EFCAB7: variants seen among roughly 807,000 people sequenced by gnomAD.
The protein encoded by EFCAB7 is EF-hand calcium-binding domain-containing protein 7.
Under a neutral mutation model 77.1 loss-of-function variants are expected in EFCAB7, and 66 were observed. The ratio of observed to expected loss-of-function variants is 0.86; its 90% CI spans 0.70 to 1.05. The LOEUF (loss-of-function observed/expected upper bound fraction) is 1.05. Ranked by LOEUF, EFCAB7 falls within the 50% of genes least tolerant of loss-of-function variation. The pLI is 0.00. For missense variants in EFCAB7, 638 were observed against 730.5 expected (o/e 0.87, Z 1.46); for synonymous variants, 225 against 243.3 (o/e 0.92, Z 0.70).
chr1:63,533,076 C>G (rs999660225), intron 4 of EFCAB7, among the ~76,000 whole-genome samples: 1 of 152,074 alleles, frequency 6.6e-6, no homozygotes, highest in Non-Finnish European at 1.5e-5. Flanking sequence ...CATGTGTGCT[C>G]ACACACACGG....
chr1:63,527,258 A>T (rs907114529), intron 2 of EFCAB7, among the ~76,000 whole-genome samples: 1 of 152,332 alleles, frequency 6.6e-6, no homozygotes, highest in East Asian at 1.9e-4. Flanking sequence ...TTATGAAATT[A>T]TCTGGGAGGA....
chr1:63,555,236 G>A (rs1647016774), intron 8 of EFCAB7, 122 bp from the exon 9 acceptor site: 1 of 1,152,096 alleles, frequency 8.7e-7, no homozygotes. Flanking sequence ...AATAGAATTT[G>A]TAAATATTGA....
chr1:63,565,892 C>G (rs1290173725), intron 11 of EFCAB7, among the ~76,000 whole-genome samples: 1 of 152,176 alleles, frequency 6.6e-6, no homozygotes, highest in Admixed American at 6.5e-5. Context: ...AATGCTTATA[C>G]ACTGTTGGTG....
At chr1:63,572,390 A>G in intron 13 of EFCAB7, 52 bp from the exon 14 acceptor site, 1 of 1,486,636 alleles carries the variant, frequency 6.7e-7, no homozygotes, top group Non-Finnish European at 9.1e-7. Context: ...AAAATTAGCC[A>G]AAAGTAACAA....
At chr1:63,583,306 C>T in the EFCAB7 span, among the ~76,000 whole-genome samples, 2 of 152,166 alleles carry the variant, frequency 1.3e-5, no homozygotes, top group Admixed American at 1.3e-4. Flanking sequence ...CCCTACCCTC[C>T]GCAGCCTTGA....
intron 4 of EFCAB7, 121 bp downstream of exon 4, chr1:63,532,877 A>G (rs1646716019): frequency 2.8e-6 from 2 of 702,446 alleles, no homozygotes; most frequent in South Asian, 4.0e-5. Context: ...TGATATATGT[A>G]TACATTGTGA....
At chr1:63,584,439 C>T in the EFCAB7 span, among the ~76,000 whole-genome samples, 1 of 152,128 alleles carries the variant, frequency 6.6e-6, no homozygotes, top group South Asian at 2.1e-4. Flanking sequence ...GTAGTCCCGG[C>T]TACTCATGAG....
In EFCAB7 at chr1:63,555,501, T is replaced by C. The variant is rs1647020649; in HGVS notation, c.1200T>C (p.Leu400=). ...VYRDETGELF[L]TKEFKSTLSD... is the part of the protein sequence containing the mutation. ...GAGATGAAACAGGGGAATTATTCCT[T>C]ACAAAGGAATTTAAGTAAGTTTTGT... is the stretch of plus-strand genomic sequence containing the variant. Residue 400 remains leucine (L), a synonymous_variant, in exon 9 of 14, where the codon CTT becomes CTC. Coordinates refer to ENST00000371088, the MANE Select transcript of EFCAB7 (RefSeq NM_032437.4). The C allele has an allele frequency of 1.2e-6, 2 of 1,611,698 alleles. No homozygotes were observed. The highest frequency in any genetic ancestry group is 1.3e-5 in the African/African-American group (1 of 74,760).
chr1:63,559,627 A>G (rs959097478), intron 10 of EFCAB7, among the ~76,000 whole-genome samples: 1 of 151,870 alleles, frequency 6.6e-6, no homozygotes, highest in Non-Finnish European at 1.5e-5. Context: ...ACACCTGGCT[A>G]ATTTTTGTAT....
chr1:63,529,029 C>T (rs913602415), intron 2 of EFCAB7: 1 of 152,002 alleles, frequency 6.6e-6, no homozygotes, highest in Non-Finnish European at 1.5e-5. Flanking sequence ...TAGGAGCTGG[C>T]TGGGGTTGGA....
At chr1:63,545,612 A>G (rs1368189500) in intron 6 of EFCAB7, among the ~76,000 whole-genome samples, 2 of 152,054 alleles carry the variant, frequency 1.3e-5, no homozygotes, top group African/African-American at 4.8e-5. Flanking sequence ...GATTACAGGC[A>G]TGTGCCACCA....
rs1172334050 is a variant in EFCAB7, at chr1:63,568,291, G to T, written c.1498-19G>T. The T allele has an allele frequency of 1.3e-6, 2 of 1,571,504 alleles. No homozygotes were observed. The highest frequency in any genetic ancestry group is 2.3e-5 in the East Asian group (1 of 43,636). On this transcript the variant is annotated intron_variant, in intron 11 of 13. Transcript: ENST00000371088. ...AAATTCTATCAAAAGGCTGAAACAA[G>T]ATTTTTTTTTCCTATCAGGCATGTC...
At chr1:63,561,606 T>C in intron 10 of EFCAB7, 103 bp from the exon 11 acceptor site, 1 of 698,462 alleles carries the variant, frequency 1.4e-6, no homozygotes, top group African/African-American at 1.8e-5. Context: ...TTCATAGGCC[T>C]CTTTTAAAAT....
chr1:63,554,433 G>A (rs34141752), intron 8 of EFCAB7, among the ~76,000 whole-genome samples: 20,570 of 152,036 alleles, frequency 0.14, 1,532 homozygotes, highest in Middle Eastern at 0.25. Context: ...CTCCACCTCC[G>A]GGTTCAAGTG....
At position 63,557,096 on chromosome 1, in the gene EFCAB7, C is replaced by T; in HGVS notation, c.1215-18C>T. Reference sequence around the variant, plus strand: ...TGCCTTAGTGACAAGAAATAACTAGCTATTTTTATAATTTTAGGTCTACTT... The same window carrying T: ...TGCCTTAGTGACAAGAAATAACTAGTTATTTTTATAATTTTAGGTCTACTT... On this transcript the variant is annotated intron_variant, in intron 9 of 13. Transcript: ENST00000371088. 6.5e-7 allele frequency: 1 copy of T among 1,530,650 alleles called. No homozygotes were observed. The highest frequency in any genetic ancestry group is 2.3e-5 in the East Asian group (1 of 42,738). 94.8% of individuals were successfully genotyped at this position (1,530,650 alleles called of 1,614,324 possible).
At chr1:63,560,057 G>A (rs1016052137) in intron 10 of EFCAB7, among the ~76,000 whole-genome samples, 20 of 151,770 alleles carry the variant, frequency 1.3e-4, no homozygotes, top group Admixed American at 3.3e-4. Context: ...CCGGGTTCAC[G>A]CCATTCTGCC....
chr1:63,525,081 A>G (rs1036859812), intron 1 of EFCAB7, among the ~76,000 whole-genome samples: 3 of 152,116 alleles, frequency 2.0e-5, no homozygotes, highest in Admixed American at 6.5e-5. Context: ...ATTATTCTGG[A>G]GTTTCTCATT....
chr1:63,525,895 G>A, intron 2 of EFCAB7, 136 bp downstream of exon 2: 1 of 601,634 alleles, frequency 1.7e-6, no homozygotes, highest in Non-Finnish European at 2.8e-6. Context: ...ACTACAGTAA[G>A]CTATTATGTC....
In EFCAB7 at chr1:63,525,632, G is replaced by A. The variant is rs1287149692; in HGVS notation, c.60G>A (p.Glu20=). 4 of 1,599,416 alleles carry A rather than the reference G, an allele frequency of 2.5e-6. No individual in the cohort carries two copies. The highest frequency in any genetic ancestry group is 3.4e-6 in the Non-Finnish European group (4 of 1,176,956). Reference sequence around the variant, plus strand: ...CCAGTCAGAAATCAACACCTTCAGAGAGTCCTCGAACAAAGAAATTTCCAC... The same window carrying A: ...CCAGTCAGAAATCAACACCTTCAGAAAGTCCTCGAACAAAGAAATTTCCAC... The part of the protein sequence containing the change: ...TFSSQKSTPS[E]SPRTKKFPLT... The change falls in exon 2 of 14, where the codon GAG becomes GAA. Residue 20 remains glutamate (E), a synonymous_variant. Transcript: ENST00000371088.
Sources: allele counts gnomAD v4.1 joint callset (sites outside exome capture counted in the v4.1 genomes callset), GRCh38; gene constraint gnomAD v4.1.1; transcripts MANE v1.5; gene names NCBI Gene and HGNC (gene_info 2026-07-23, HGNC 2026-07-21).